Variants in RPH3A observed in about 807,000 individuals in gnomAD.
RPH3A encodes the protein rabphilin-3A.
Under a neutral mutation model 102.2 loss-of-function variants are expected in RPH3A, and 48 were observed. The ratio of observed to expected loss-of-function variants is 0.47; its 90% confidence interval spans 0.37 to 0.60. The LOEUF (loss-of-function observed/expected upper bound fraction) is 0.60, where lower values mean the gene tolerates loss of function less well. Among genes scored for constraint, RPH3A ranks in the 20% least tolerant of loss-of-function variants. RPH3A has a pLI of 0.00. For synonymous variants in RPH3A, 310 were observed against 324.3 expected, an observed-to-expected ratio of 0.96 and a Z score of 0.47; for missense variants, 781 against 910.1, an observed-to-expected ratio of 0.86 and a Z score of 1.83.
chr12:112,794,485 G>A (rs1346538901), intron 2 of RPH3A, among the ~76,000 whole-genome samples: 1 of 152,190 alleles, frequency 6.6e-6, no homozygotes, highest in Non-Finnish European at 1.5e-5. Flanking sequence ...AGCTCAGCTG[G>A]AAAGGGGTCT....
chr12:112,858,727 A>G (rs1017268226), intron 5 of RPH3A, among the ~76,000 whole-genome samples: 1 of 152,244 alleles, frequency 6.6e-6, no homozygotes, highest in Non-Finnish European at 1.5e-5. Flanking sequence ...TACTCTATAC[A>G]TGTTTGTCAA....
chr12:112,730,509 G>A (rs1270668778), intron 1 of RPH3A, among the ~76,000 whole-genome samples: 2 of 152,232 alleles, frequency 1.3e-5, no homozygotes, highest in South Asian at 2.1e-4. Flanking sequence ...TCCAGGGACT[G>A]TATTTGCTGC....
At chr12:112,874,391 A>G (rs1387821163) in intron 10 of RPH3A, among the ~76,000 whole-genome samples, 1 of 152,224 alleles carries the variant, frequency 6.6e-6, no homozygotes, top group Non-Finnish European at 1.5e-5. Flanking sequence ...CATCTATAAA[A>G]TGGAGATCAT....
chr12:112,763,016 T>C (rs989536983), intron 1 of RPH3A, among the ~76,000 whole-genome samples: 6 of 152,200 alleles, frequency 3.9e-5, no homozygotes, highest in Admixed American at 3.9e-4. Flanking sequence ...ACTGAGCAGA[T>C]AAAAACAACA....
chr12:112,871,702 GTA>G (rs3038113), intron 10 of RPH3A, among the ~76,000 whole-genome samples: 3 of 148,760 alleles, frequency 2.0e-5, no homozygotes, highest in Admixed American at 1.3e-4. Context: ...TTTATATAGT[GTA>G]TATATATATA....
chr12:112,619,518 A>G (rs2039706837), intron 1 of RPH3A, among the ~76,000 whole-genome samples: 2 of 152,018 alleles, frequency 1.3e-5, no homozygotes, highest in Admixed American at 1.3e-4. Context: ...CCTGACCTCA[A>G]GTGATCTGCC....
chr12:112,603,589 C>A (rs919879600), intron 1 of RPH3A, among the ~76,000 whole-genome samples: 1 of 149,698 alleles, frequency 6.7e-6, no homozygotes, highest in Non-Finnish European at 1.5e-5. Flanking sequence ...ATTCAATTTT[C>A]TTAATTACTA....
rs1430184167 is a variant in RPH3A at position 112,897,361 on chromosome 12, A to C, written c.*581A>C. 6.6e-6 allele frequency: 1 copy of C among 152,616 alleles called. No individual in the cohort carries two copies. The highest frequency in any genetic ancestry group is 1.5e-5 in the Non-Finnish European group (1 of 68,360). The allele number at this position is 152,616 out of a possible 1,614,324, so 9.5% of individuals were successfully genotyped here. ...AACACACCCTCCCTGCTCCAAGTGC[A>C]CCAGGATGCAAATGCACAGAATTCA... On this transcript the variant is annotated 3_prime_UTR_variant, in exon 22 of 22. Transcript: ENST00000389385.
At chr12:112,749,078 T>A (rs903476080) in intron 1 of RPH3A, among the ~76,000 whole-genome samples, 4 of 152,252 alleles carry the variant, frequency 2.6e-5, no homozygotes, top group African/African-American at 9.6e-5. Context: ...CTGAAAGGCA[T>A]TTGCATATGA....
At chr12:112,856,484 A>ATGTG (rs3837520) in intron 5 of RPH3A, among the ~76,000 whole-genome samples, 35 of 149,474 alleles carry the variant, frequency 2.3e-4, no homozygotes, top group South Asian at 4.3e-4. Flanking sequence ...ACACATGTGC[A>ATGTG]TGTGTGTGTG....
At chr12:112,830,112 G>T (rs2041944807) in intron 3 of RPH3A, among the ~76,000 whole-genome samples, 1 of 151,858 alleles carries the variant, frequency 6.6e-6, no homozygotes, top group Non-Finnish European at 1.5e-5. Context: ...AAATACTTGG[G>T]TTGTATATTT....
At chr12:112,679,469 G>C (rs574471879) in intron 1 of RPH3A, among the ~76,000 whole-genome samples, 1 of 147,844 alleles carries the variant, frequency 6.8e-6, no homozygotes, top group Admixed American at 6.7e-5. Flanking sequence ...TCTGTCCCCC[G>C]GTCTGGAGTG....
chr12:112,894,436 A>C, intron 19 of RPH3A, 142 bp from the exon 20 acceptor site: 1 of 726,360 alleles, frequency 1.4e-6, no homozygotes, highest in Non-Finnish European at 2.3e-6. Flanking sequence ...CAGATGCTCT[A>C]ATGCATATTG....
At chr12:112,815,598 G>A (rs2041658193) in intron 2 of RPH3A, among the ~76,000 whole-genome samples, 1 of 152,208 alleles carries the variant, frequency 6.6e-6, no homozygotes, top group Non-Finnish European at 1.5e-5. Flanking sequence ...GGAGGGAGCA[G>A]GACGCCATTT....
At chr12:112,629,210 T>C (rs775393547) in intron 1 of RPH3A, among the ~76,000 whole-genome samples, 3 of 152,166 alleles carry the variant, frequency 2.0e-5, no homozygotes, top group Non-Finnish European at 4.4e-5. Context: ...TAAATGCTTC[T>C]CGGGAGGCCC....
intron 1 of RPH3A, among the ~76,000 whole-genome samples, chr12:112,766,137 C>T (rs974570748): frequency 6.6e-6 from 1 of 152,140 alleles, no homozygotes; most frequent in African/African-American, 2.4e-5. Context: ...AGATGAGAGC[C>T]CAAAGTTGGA....
intron 2 of RPH3A, among the ~76,000 whole-genome samples, chr12:112,826,097 C>T (rs2041866139): frequency 7.0e-6 from 1 of 142,142 alleles, no homozygotes; most frequent in South Asian, 2.2e-4. Flanking sequence ...CTCCCTACAC[C>T]GACCCCGCTG....
chr12:112,643,584 C>A (rs952017702), intron 1 of RPH3A, among the ~76,000 whole-genome samples: 4 of 152,264 alleles, frequency 2.6e-5, no homozygotes, highest in African/African-American at 9.6e-5. Context: ...TCACTTTCAT[C>A]TCAGTGTAAA....
intron 17 of RPH3A, among the ~76,000 whole-genome samples, 164 bp from the exon 18 acceptor site, chr12:112,889,860 T>TA (rs1183927970): frequency 1.3e-5 from 2 of 152,222 alleles, no homozygotes; most frequent in African/African-American, 4.8e-5. Flanking sequence ...CTAAGTTTTA[T>TA]AAATTTTAGC....
Sources: gnomAD v4.1 joint callset for allele counts (sites outside exome capture counted in the v4.1 genomes callset) on GRCh38, gnomAD v4.1.1 for gene constraint, MANE v1.5 for transcripts, NCBI Gene and HGNC (gene_info 2026-07-23, HGNC 2026-07-21) for gene names.